STARD5: variants seen among roughly 807,000 people sequenced by gnomAD.
STARD5 encodes the protein stAR-related lipid transfer protein 5.
In STARD5, 26 loss-of-function variants were observed where a neutral mutation model predicts 24.6. The observed-to-expected ratio is 1.06, with a 90% CI of 0.77 to 1.47. STARD5 has a LOEUF of 1.47. Ranked by LOEUF, STARD5 falls within the 40% of genes most tolerant of loss-of-function variation. STARD5 has a pLI of 0.00. For missense variants in STARD5, 254 were observed against 270.8 expected, an observed-to-expected ratio of 0.94 and a Z score of 0.44; for synonymous variants, 101 against 99.7, an observed-to-expected ratio of 1.01 and a Z score of -0.07.
At chr15:81,315,358 T>C (rs1399563419) in intron 5 of STARD5, among the ~76,000 whole-genome samples, 1 of 152,102 alleles carries the variant, frequency 6.6e-6, no homozygotes, top group Non-Finnish European at 1.5e-5. Flanking sequence ...ACAAACTCTC[T>C]TCGTCACAGT....
chr15:81,314,683 C>T (rs533774368), intron 5 of STARD5, among the ~76,000 whole-genome samples: 3 of 152,104 alleles, frequency 2.0e-5, no homozygotes, highest in African/African-American at 7.2e-5. Context: ...GTCAGGAGTT[C>T]GAGACCAATC....
At chr15:81,319,909 A>C (rs533116228) in intron 3 of STARD5, among the ~76,000 whole-genome samples, 3 of 152,264 alleles carry the variant, frequency 2.0e-5, no homozygotes, top group African/African-American at 4.8e-5. Context: ...AGCTAGGGAG[A>C]GGGAAGAGAG....
chr15:81,315,194 A>C (rs558591744), intron 5 of STARD5, among the ~76,000 whole-genome samples: 3 of 151,810 alleles, frequency 2.0e-5, no homozygotes, highest in African/African-American at 7.3e-5. Context: ...CCTCCTCCCA[A>C]TGGGCTTCCT....
intron 5 of STARD5, among the ~76,000 whole-genome samples, chr15:81,314,908 A>AAAAAAAAAAAAAAAAAC (rs1567054860): frequency 7.5e-5 from 11 of 146,166 alleles, no homozygotes; most frequent in Non-Finnish European, 1.1e-4. Flanking sequence ...AAAAAAAAAA[A>AAAAAAAAAAAAAAAAAC]AAAAAAAGAA....
chr15:81,324,007 C>T lies in STARD5; in HGVS notation c.93G>A (p.Arg31=). Residue 31 remains arginine (R), a synonymous_variant, in exon 1 of 6, where the codon CGG becomes CGA. Transcript: ENST00000302824. ...RRDTAGWKIC[R]EGNGVSVSWR... is the part of the protein sequence containing the mutation. ...CGCCCAGCTCCTCACTCACGCCTTC[C>T]CGGCAAATCTTCCAGCCTGCTGTGT... The T allele has an allele frequency of 6.3e-7, 1 of 1,599,710 alleles. No homozygotes were observed. The highest frequency in any genetic ancestry group is 8.5e-7 in the Non-Finnish European group (1 of 1,172,888).
In STARD5 at chr15:81,322,540, C is replaced by T; in HGVS notation, c.150G>A (p.Leu50=). 1 of 1,613,998 alleles carries T rather than the reference C, an allele frequency of 6.2e-7. No homozygotes were observed. Among genetic ancestry groups the T allele is most frequent in the Non-Finnish European group, 8.5e-7 (1 of 1,179,980 alleles). The change falls in exon 3 of 6, where the codon CTG becomes CTA. Residue 50 remains leucine, a splice_region_variant and synonymous_variant. Transcript: ENST00000302824. ...CATATACAATGCCTTCTCCTCGGTACCTGGAGCACGAAAAGGAATTTGACC... is the reference window on the plus strand; with the variant it reads ...CATATACAATGCCTTCTCCTCGGTATCTGGAGCACGAAAAGGAATTTGACC... The part of the protein sequence containing the change: ...WRPSVEFPGN[L]YRGEGIVYGT...
At chr15:81,314,525 C>G (rs1322376767) in intron 5 of STARD5, among the ~76,000 whole-genome samples, 1 of 152,172 alleles carries the variant, frequency 6.6e-6, no homozygotes, top group Non-Finnish European at 1.5e-5. Flanking sequence ...TAGCACTATG[C>G]CTGCCCATCA....
intron 1 of STARD5, 76 bp downstream of exon 1, chr15:81,323,925 G>A: frequency 6.9e-7 from 1 of 1,452,934 alleles, no homozygotes. Context: ...GGGAGAGGAG[G>A]CGCTTGGGGG....
At chr15:81,318,147 C>T (rs1186629891) in intron 5 of STARD5, among the ~76,000 whole-genome samples, 3 of 152,098 alleles carry the variant, frequency 2.0e-5, no homozygotes, top group African/African-American at 7.2e-5. Context: ...ATTTGCTTAA[C>T]CTGGAGGCTG....
chr15:81,313,631 G>T, intron 5 of STARD5: 1 of 344,262 alleles, frequency 2.9e-6, no homozygotes. Context: ...GGCCTCCAGG[G>T]AGGAAGAAGT....
intron 5 of STARD5, among the ~76,000 whole-genome samples, chr15:81,316,371 G>A (rs1052670424): frequency 6.6e-6 from 1 of 152,182 alleles, no homozygotes; most frequent in Non-Finnish European, 1.5e-5. Flanking sequence ...TAAGTTCTAA[G>A]AGGGCAGACA....
chr15:81,313,167 C>G lies in STARD5; in HGVS notation c.*89G>C, dbSNP rs930808075. ...CTTGTTCCAAAGAGTGAACACAGGC[C>G]TCTGCGTGCTCCCAGGCTCCTTGGT... On this transcript the variant is annotated 3_prime_UTR_variant, in exon 6 of 6. Transcript: ENST00000302824. 1.6e-4 allele frequency: 227 copies of G among 1,410,988 alleles called. No homozygotes were observed. The highest frequency in any genetic ancestry group is 1.9e-4 in the Non-Finnish European group (206 of 1,064,744). 87.4% of individuals were successfully genotyped at this position (1,410,988 alleles called of 1,614,324 possible).
intron 5 of STARD5, among the ~76,000 whole-genome samples, chr15:81,315,596 C>T (rs1901065286): frequency 6.6e-6 from 1 of 152,124 alleles, no homozygotes; most frequent in African/African-American, 2.4e-5. Context: ...GTAATGCTGC[C>T]TCGACCACAG....
intron 1 of STARD5, 37 bp downstream of exon 1, chr15:81,323,964 G>C: frequency 6.4e-7 from 1 of 1,556,460 alleles, no homozygotes; most frequent in Non-Finnish European, 8.7e-7. Context: ...CCACGAAGCC[G>C]TCTCCGCGAC....
chr15:81,318,908 T>C (rs1434512284), intron 4 of STARD5, among the ~76,000 whole-genome samples: 1 of 152,074 alleles, frequency 6.6e-6, no homozygotes, highest in Non-Finnish European at 1.5e-5. Flanking sequence ...CATCCAACTC[T>C]CCCGCGTAGA....
Position 81,310,118 on chromosome 15 carries a change from C to T in STARD5, c.*3138G>A, listed in dbSNP as rs2141658000. 6.6e-6 allele frequency: 1 copy of T among 152,390 alleles called. No individual in the cohort carries two copies. The highest frequency in any genetic ancestry group is 3.4e-3 in the Middle Eastern group (1 of 294). 9.4% of individuals were successfully genotyped at this position (152,390 alleles called of 1,614,324 possible). On this transcript the variant is annotated 3_prime_UTR_variant, in exon 6 of 6. Transcript: ENST00000302824. Reference sequence around the variant, plus strand: ...AACAACCAGCATCCCTTGACCAGGCCTGGGCCAGAGTATTGGTCTCCTCTC... The same window carrying T: ...AACAACCAGCATCCCTTGACCAGGCTTGGGCCAGAGTATTGGTCTCCTCTC...
intron 4 of STARD5, 48 bp from the exon 5 acceptor site, chr15:81,318,550 G>A (rs1196621393): frequency 3.2e-6 from 5 of 1,554,048 alleles, no homozygotes; most frequent in Non-Finnish European, 4.4e-6. Flanking sequence ...CAGACGGTCA[G>A]GTCACTGCCA....
intron 5 of STARD5, among the ~76,000 whole-genome samples, chr15:81,314,873 C>G (rs1901041754): frequency 1.2e-5 from 1 of 86,216 alleles, no homozygotes; most frequent in African/African-American, 3.8e-5. Context: ...GTGACAAGAG[C>G]AAAACCCCAC....
rs111244722 is a variant in STARD5, at chr15:81,321,141, G to C, written c.282+1267C>G. 6.0e-3 allele frequency among the ~76,000 whole-genome samples: 913 copies of C among 152,214 alleles called. 4 individuals carry two copies. Among genetic ancestry groups the C allele is most frequent in the African/African-American group, 0.015 (611 of 41,514 alleles). ...CCCCTCTACTTTGCAGTTGTCTATT[G>C]AAAAGTTTGTATCTTTTCATGGGCT... On this transcript the variant is annotated intron_variant, in intron 3 of 5. Coordinates refer to ENST00000302824, the MANE Select transcript of STARD5 (RefSeq NM_181900.3).
Sources: allele counts gnomAD v4.1 joint callset (sites outside exome capture counted in the v4.1 genomes callset), GRCh38; gene constraint gnomAD v4.1.1; transcripts MANE v1.5; gene names NCBI Gene and HGNC (gene_info 2026-07-23, HGNC 2026-07-21).